UGGT2: variants seen among roughly 807,000 people sequenced by gnomAD.
UGGT2 encodes the protein UDP-glucose:glycoprotein glucosyltransferase 2.
A neutral mutation model predicts 192.1 loss-of-function variants in UGGT2; 180 were observed. That is an observed-to-expected ratio of 0.94 (90% CI 0.83 to 1.06). UGGT2 has a LOEUF of 1.06. UGGT2 is among the 50% of genes least tolerant of loss of function. The pLI is 0.00. For missense variants in UGGT2, 1,849 were observed against 1,795.7 expected (o/e 1.03, Z -0.54); for synonymous variants, 580 against 591.0 (o/e 0.98, Z 0.27).
At chr13:95,964,378 G>T (rs1267495892) in intron 12 of UGGT2, among the ~76,000 whole-genome samples, 1 of 151,940 alleles carries the variant, frequency 6.6e-6, no homozygotes, top group Non-Finnish European at 1.5e-5. Flanking sequence ...GAAAACATAA[G>T]GCAAACACTT....
intron 7 of UGGT2, among the ~76,000 whole-genome samples, chr13:95,992,607 T>C (rs80208719): frequency 0.032 from 4,871 of 152,240 alleles, 92 homozygotes; most frequent in Non-Finnish European, 0.041. Context: ...TAGGGTTTCC[T>C]AGGCAAAAGA....
intron 38 of UGGT2, among the ~76,000 whole-genome samples, chr13:95,829,042 C>A (rs962431783): frequency 4.2e-4 from 64 of 152,256 alleles, no homozygotes; most frequent in African/African-American, 1.4e-3. Context: ...CGTAATCCAG[C>A]ATATAAACAG....
chr13:95,868,166 T>G (rs1394294480), intron 29 of UGGT2, among the ~76,000 whole-genome samples: 2 of 152,190 alleles, frequency 1.3e-5, no homozygotes, highest in Admixed American at 6.5e-5. Flanking sequence ...CTTTTAACAT[T>G]TTTCCAAAAT....
Position 96,023,735 on chromosome 13 carries a change from A to C in UGGT2, c.266T>G (p.Leu89Ter). 2 of 1,603,572 alleles carry C rather than the reference A, an allele frequency of 1.2e-6. No individual in the cohort carries two copies. The change falls in exon 3 of 39, where the codon TTA (leucine) becomes TGA (stop). Residue 89 changes from leucine to a stop codon, truncating the protein, a stop_gained. Transcript: ENST00000376747. LOFTEE classifies it high-confidence loss of function. ...AAACTGTCCAGCTTTCTTCAGGATT[A>C]AGTTGTAATAAGAATAATCTGATTC... ...QTESDYSYYN[L>*]ILKKAGQFLD...
chr13:95,902,823 T>C (rs765613037), intron 21 of UGGT2, 31 bp downstream of exon 21: 9 of 1,588,386 alleles, frequency 5.7e-6, no homozygotes, highest in Non-Finnish European at 7.7e-6. Flanking sequence ...ATGCAATACA[T>C]ACATATTTAA....
intron 7 of UGGT2, chr13:95,990,350 G>A: frequency 5.4e-6 from 1 of 185,000 alleles, no homozygotes; most frequent in Non-Finnish European, 1.1e-5. Context: ...AAGGATGAGG[G>A]CAGACTTATG....
At chr13:96,014,596 A>G (rs1016296301) in intron 4 of UGGT2, among the ~76,000 whole-genome samples, 1 of 152,200 alleles carries the variant, frequency 6.6e-6, no homozygotes, top group Non-Finnish European at 1.5e-5. Flanking sequence ...TAAAGTAAAT[A>G]GAATCTTAAC....
chr13:96,014,116 A>C (rs1040853921), intron 4 of UGGT2, among the ~76,000 whole-genome samples: 1 of 152,194 alleles, frequency 6.6e-6, no homozygotes, highest in Admixed American at 6.5e-5. Flanking sequence ...ATTCAGGAAA[A>C]GATCAAATGG....
At chr13:95,985,481 A>G in intron 9 of UGGT2, 1 of 262,654 alleles carries the variant, frequency 3.8e-6, no homozygotes, top group South Asian at 4.4e-5. Flanking sequence ...TGATGAATAA[A>G]TGTACAAAAT....
chr13:95,859,699 A>T, intron 32 of UGGT2, 24 bp from the exon 33 acceptor site: 1 of 1,530,790 alleles, frequency 6.5e-7, no homozygotes, highest in South Asian at 1.2e-5. Flanking sequence ...TATTAAACCC[A>T]ATATACATTA....
intron 34 of UGGT2, 108 bp downstream of exon 34, chr13:95,856,050 C>T: frequency 1.1e-6 from 1 of 900,178 alleles, no homozygotes; most frequent in Non-Finnish European, 1.6e-6. Context: ...GTATCTTAAG[C>T]ACCGTAATGA....
intron 9 of UGGT2, 111 bp downstream of exon 9, chr13:95,986,218 CTATA>C: frequency 1.4e-6 from 1 of 698,502 alleles, no homozygotes; most frequent in Non-Finnish European, 2.4e-6. Context: ...TTCACAAAAG[CTATA>C]TATACTAGAA....
intron 17 of UGGT2, among the ~76,000 whole-genome samples, chr13:95,931,621 G>C (rs548042377): frequency 2.0e-5 from 3 of 152,262 alleles, no homozygotes; most frequent in Admixed American, 2.0e-4. Context: ...GGGGGAGGCA[G>C]ATGAGGCAGC....
chr13:95,907,742 G>A (rs1257874929), intron 20 of UGGT2, among the ~76,000 whole-genome samples: 3 of 152,176 alleles, frequency 2.0e-5, no homozygotes, highest in Non-Finnish European at 4.4e-5. Flanking sequence ...ACATCTGTAG[G>A]TCACCAACAT....
At chr13:95,902,516 G>A (rs766016675) in intron 21 of UGGT2, among the ~76,000 whole-genome samples, 4 of 150,036 alleles carry the variant, frequency 2.7e-5, no homozygotes, top group Non-Finnish European at 4.4e-5. Context: ...GAGGATCATC[G>A]TTGAAACCCC....
chr13:96,003,097 C>T (rs1181938738), intron 5 of UGGT2, among the ~76,000 whole-genome samples: 2 of 152,098 alleles, frequency 1.3e-5, no homozygotes, highest in East Asian at 3.9e-4. Context: ...GATGAGCTTG[C>T]CATGAATCCT....
At chr13:95,912,683 G>C (rs1434343510) in intron 20 of UGGT2, among the ~76,000 whole-genome samples, 1 of 152,076 alleles carries the variant, frequency 6.6e-6, no homozygotes, top group African/African-American at 2.4e-5. Context: ...CATAGATTCA[G>C]TGCCATCCCC....
At chr13:95,875,291 C>T (rs1349050037) in intron 29 of UGGT2, among the ~76,000 whole-genome samples, 1 of 152,016 alleles carries the variant, frequency 6.6e-6, no homozygotes, top group East Asian at 1.9e-4. Context: ...GTTATTTGTT[C>T]TAATATTGAG....
chr13:95,979,548 C>CATAAAAAAAAAAA (rs2051047860), intron 10 of UGGT2, among the ~76,000 whole-genome samples: 1 of 98,806 alleles, frequency 1.0e-5, no homozygotes, highest in Non-Finnish European at 2.0e-5. Flanking sequence ...GTCTCTTACG[C>CATAAAAAAAAAAA]AAAAAAAAAA....
Sources: allele counts gnomAD v4.1 joint callset (sites outside exome capture counted in the v4.1 genomes callset), GRCh38; gene constraint gnomAD v4.1.1; transcripts MANE v1.5; gene names NCBI Gene and HGNC (gene_info 2026-07-23, HGNC 2026-07-21).